The following GFRA1 variants were observed in gnomAD, a reference collection of about 807,000 sequenced individuals.
The protein encoded by GFRA1 is GDNF family receptor alpha-1.
GFRA1 carries 16 observed loss-of-function variants against 51.6 expected under a neutral mutation model. The ratio of observed to expected loss-of-function variants is 0.31; its 90% CI spans 0.21 to 0.47. The LOEUF is 0.47. GFRA1 is among the 20% of genes least tolerant of loss of function. The pLI, the probability that GFRA1 is intolerant of heterozygous loss-of-function variation, is 1.00. For synonymous variants in GFRA1, 270 were observed against 241.3 expected, an observed-to-expected ratio of 1.12 and a Z score of -1.10; for missense variants, 530 against 594.3, an observed-to-expected ratio of 0.89 and a Z score of 1.13.
chr10:116,072,262 G>A (rs1370445050), intron 9 of GFRA1, among the ~76,000 whole-genome samples: 1 of 152,176 alleles, frequency 6.6e-6, no homozygotes, highest in Non-Finnish European at 1.5e-5. Context: ...CAACTGGAGA[G>A]AGTGAGGGGC....
chr10:116,198,417 T>TCCCA (rs1448210337), intron 5 of GFRA1, among the ~76,000 whole-genome samples: 3 of 152,218 alleles, frequency 2.0e-5, no homozygotes, highest in Non-Finnish European at 4.4e-5. Context: ...AGACGTGCTT[T>TCCCA]CCCACCCACG....
chr10:116,136,725 C>T (rs566685438), intron 5 of GFRA1, among the ~76,000 whole-genome samples: 3 of 152,274 alleles, frequency 2.0e-5, no homozygotes, highest in East Asian at 1.9e-4. Context: ...GGACATTTCA[C>T]GGAACTCTTT....
At chr10:116,075,490 G>T (rs1048901935) in intron 9 of GFRA1, among the ~76,000 whole-genome samples, 2 of 152,056 alleles carry the variant, frequency 1.3e-5, no homozygotes, top group Non-Finnish European at 2.9e-5. Flanking sequence ...TAACACTCCT[G>T]GGCAGTAGCA....
intron 4 of GFRA1, among the ~76,000 whole-genome samples, chr10:116,227,308 A>G (rs1338944417): frequency 6.6e-6 from 1 of 152,206 alleles, no homozygotes; most frequent in Non-Finnish European, 1.5e-5. Context: ...TTCTGTAGCC[A>G]GCCAATGCGC....
In GFRA1 at chr10:116,064,383, A is replaced by AT. The variant is rs746573251; in HGVS notation, c.*14dup. 84 of 1,609,396 alleles carry AT rather than the reference A, an allele frequency of 5.2e-5. No individual in the cohort carries two copies. In the African/African-American group the frequency reaches 8.2e-4, roughly 16 times the overall value. ...TTGTCTTTTTACATGTCCATATTGT[A>AT]TTTTTTTAATGCAGCTATGATGTTT... On this transcript the variant is annotated 3_prime_UTR_variant, in exon 11 of 11. Transcript: ENST00000355422.
chr10:116,184,975 A>G (rs1031233256), intron 5 of GFRA1, among the ~76,000 whole-genome samples: 1 of 152,068 alleles, frequency 6.6e-6, no homozygotes, highest in African/African-American at 2.4e-5. Context: ...GTTCCTCAAA[A>G]TACAAGCTTT....
intron 6 of GFRA1, among the ~76,000 whole-genome samples, chr10:116,118,233 T>A (rs1957506850): frequency 6.6e-6 from 1 of 152,224 alleles, no homozygotes; most frequent in Non-Finnish European, 1.5e-5. Context: ...TGTGGGACTC[T>A]GCGCTCATCG....
chr10:116,246,690 A>G (rs1967893673), intron 4 of GFRA1, among the ~76,000 whole-genome samples: 1 of 152,388 alleles, frequency 6.6e-6, no homozygotes, highest in South Asian at 2.1e-4. Flanking sequence ...AGTAAATTAA[A>G]AGCAAAATAG....
intron 4 of GFRA1, among the ~76,000 whole-genome samples, chr10:116,235,514 C>CA (rs1341200014): frequency 6.6e-6 from 1 of 152,158 alleles, no homozygotes; most frequent in East Asian, 1.9e-4. Context: ...CACCCACCCC[C>CA]AACCCCTGGA....
intron 5 of GFRA1, among the ~76,000 whole-genome samples, chr10:116,198,796 A>G (rs1022663781): frequency 2.0e-5 from 3 of 152,184 alleles, no homozygotes; most frequent in Admixed American, 6.5e-5. Context: ...TAGTGGTTGA[A>G]TAATTCTTTC....
rs945581408 is a variant in GFRA1 at position 116,102,994 on chromosome 10, G to A, written c.771-6230C>T. ...TTTAGTTTCTGAAAGCTTTCTCAGT[G>A]GGTCAGTTAGAGGAAAGAAAGTATG... On this transcript the variant is annotated intron_variant, in intron 6 of 10. Coordinates refer to ENST00000355422, the MANE Select transcript of GFRA1 (RefSeq NM_005264.8). 2.0e-5 allele frequency among the ~76,000 whole-genome samples: 3 copies of A among 152,180 alleles called. No individual in the cohort carries two copies. In the South Asian group the frequency reaches 6.2e-4, roughly 32 times the overall value.
intron 4 of GFRA1, among the ~76,000 whole-genome samples, chr10:116,215,650 C>T (rs1812910042): frequency 6.6e-6 from 1 of 152,198 alleles, no homozygotes; most frequent in African/African-American, 2.4e-5. Context: ...TCGGGGCCAT[C>T]TTTTCTGCTC....
At position 116,272,495 on chromosome 10, in the gene GFRA1, C is replaced by G. The variant is rs567131330; in HGVS notation, c.-246-220G>C. 2 of 187,728 alleles carry G rather than the reference C, an allele frequency of 1.1e-5. No homozygotes were observed. The highest frequency in any genetic ancestry group is 4.7e-5 in the African/African-American group (2 of 42,956). 11.6% of individuals were successfully genotyped at this position (187,728 alleles called of 1,614,324 possible). On this transcript the variant is annotated intron_variant, in intron 1 of 10. Transcript: ENST00000355422. This position sits in a 1 kb window ranked among gnomAD's most constrained non-coding sequence, Gnocchi z 4.4. ...AGGTCTGAAGAGGGTTCCTAAAGTC[C>G]AAGGGGGTGTCTGTTGGGTTCAACC...
At chr10:116,081,209 G>C (rs1295459006) in intron 9 of GFRA1, among the ~76,000 whole-genome samples, 1 of 152,220 alleles carries the variant, frequency 6.6e-6, no homozygotes. Flanking sequence ...ACCCCAAAGT[G>C]TGACTGGCAT....
At chr10:116,222,832 C>T (rs1314001332) in intron 4 of GFRA1, among the ~76,000 whole-genome samples, 4 of 152,030 alleles carry the variant, frequency 2.6e-5, no homozygotes, top group Non-Finnish European at 5.9e-5. Context: ...ACAGATTCAA[C>T]CAACCACGGA....
intron 5 of GFRA1, among the ~76,000 whole-genome samples, chr10:116,162,289 G>T (rs879357615): frequency 6.6e-6 from 1 of 152,218 alleles, no homozygotes; most frequent in Non-Finnish European, 1.5e-5. Flanking sequence ...AGTCTAGGGA[G>T]AAAGAGACCA....
chr10:116,219,115 C>A (rs537581406), intron 4 of GFRA1, among the ~76,000 whole-genome samples: 185 of 152,280 alleles, frequency 1.2e-3, no homozygotes, highest in Middle Eastern at 3.4e-3. Flanking sequence ...CCTGCGCTGA[C>A]TTGGAAAAGC....
rs568661791 is a variant in GFRA1, at chr10:116,251,449, C to T, written c.418+18054G>A. On this transcript the variant is annotated intron_variant, in intron 4 of 10. Transcript: ENST00000355422. Reference sequence around the variant, plus strand: ...ATCAGAATATCATACACCTCCCCCACGAGACACTGATGCACAAAATGTGTG... The same window carrying T: ...ATCAGAATATCATACACCTCCCCCATGAGACACTGATGCACAAAATGTGTG... Among the ~76,000 whole-genome samples the T allele has an allele frequency of 2.4e-4, 36 of 152,240 alleles. 1 individual carries two copies. The highest frequency in any genetic ancestry group is 7.0e-4 in the African/African-American group (29 of 41,546).
chr10:116,257,647 CT>C (rs1968976985), intron 4 of GFRA1, among the ~76,000 whole-genome samples: 1 of 152,206 alleles, frequency 6.6e-6, no homozygotes, highest in Non-Finnish European at 1.5e-5. Context: ...TCCAGAGCCC[CT>C]GTGTGTGCTT....
Sources: gnomAD v4.1 joint callset for allele counts (sites outside exome capture counted in the v4.1 genomes callset) on GRCh38, gnomAD v4.1.1 for gene constraint, Gnocchi (gnomAD v3.1) non-coding constraint, MANE v1.5 for transcripts, NCBI Gene and HGNC (gene_info 2026-07-23, HGNC 2026-07-21) for gene names.